Variants in EML1 observed in about 807,000 individuals in gnomAD.
EML1 encodes the protein echinoderm microtubule-associated protein-like 1.
A neutral mutation model predicts 110.4 loss-of-function variants in EML1; 27 were observed. The ratio of observed to expected loss-of-function variants is 0.24; its 90% CI spans 0.18 to 0.34. The LOEUF (loss-of-function observed/expected upper bound fraction) is 0.34, where lower values mean the gene tolerates loss of function less well. Ranked by LOEUF, EML1 falls within the 10% of genes least tolerant of loss-of-function variation. The probability of loss-of-function intolerance (pLI) is 1.00; values close to 1 mark genes in which losing one functional copy is unlikely to be tolerated. For missense variants in EML1, 741 were observed against 1,030.9 expected, an observed-to-expected ratio of 0.72 and a Z score of 3.85; for synonymous variants, 344 against 385.8, an observed-to-expected ratio of 0.89 and a Z score of 1.27.
chr14:99,915,250 T>A (rs1029301936), intron 15 of EML1: 1 of 162,430 alleles, frequency 6.2e-6, no homozygotes, highest in African/African-American at 2.4e-5. Context: ...CCGTCTCTAC[T>A]AAAAACACAA....
intron 1 of EML1, among the ~76,000 whole-genome samples, chr14:99,799,050 G>A (rs766802864): frequency 1.3e-5 from 2 of 152,066 alleles, no homozygotes; most frequent in Non-Finnish European, 2.9e-5. Context: ...AGAATTATCA[G>A]ATGCCCTCTA....
chr14:99,873,001 T>C (rs1292387583), intron 3 of EML1, among the ~76,000 whole-genome samples: 2 of 152,312 alleles, frequency 1.3e-5, no homozygotes, highest in East Asian at 3.9e-4. Context: ...AGACTTCGAT[T>C]GAGGGCTTGA....
At chr14:99,820,244 T>C (rs1237629406) in intron 1 of EML1, among the ~76,000 whole-genome samples, 4 of 152,372 alleles carry the variant, frequency 2.6e-5, no homozygotes, top group South Asian at 4.1e-4. Flanking sequence ...CACAGTATTT[T>C]GTTTTATTGA....
At chr14:99,860,236 G>A (rs1459058990) in intron 2 of EML1, among the ~76,000 whole-genome samples, 1 of 152,102 alleles carries the variant, frequency 6.6e-6, no homozygotes, top group Admixed American at 6.5e-5. Flanking sequence ...TGCTGTGTTT[G>A]TTGTCGTGTT....
chr14:99,789,799 T>C (rs971040869), upstream of EML1, among the ~76,000 whole-genome samples: 7 of 152,260 alleles, frequency 4.6e-5, no homozygotes, highest in African/African-American at 1.7e-4. Context: ...CACTGAACAC[T>C]GTGGTTATAT....
At chr14:99,934,872 T>C (rs541478401) in intron 17 of EML1, among the ~76,000 whole-genome samples, 2 of 152,372 alleles carry the variant, frequency 1.3e-5, no homozygotes, top group Admixed American at 1.3e-4. Context: ...GGGCTGCTGC[T>C]GCCTTTTGTT....
chr14:99,867,997 T>C (rs1348314907), intron 3 of EML1, among the ~76,000 whole-genome samples: 1 of 152,218 alleles, frequency 6.6e-6, no homozygotes, highest in African/African-American at 2.4e-5. Context: ...TTTCCTTCTA[T>C]TCCTAGTTTG....
chr14:99,821,338 T>C (rs1361846469), intron 1 of EML1, among the ~76,000 whole-genome samples: 1 of 152,160 alleles, frequency 6.6e-6, no homozygotes, highest in Non-Finnish European at 1.5e-5. Flanking sequence ...TTTCCTGCTT[T>C]TATATAGAGC....
intron 1 of EML1, among the ~76,000 whole-genome samples, chr14:99,823,994 C>T (rs1566883713): frequency 6.6e-6 from 1 of 152,124 alleles, no homozygotes; most frequent in Non-Finnish European, 1.5e-5. Context: ...GCTCTGTCGC[C>T]AGGCTGGAAT....
At chr14:99,927,461 C>T (rs2060255667) in intron 17 of EML1, among the ~76,000 whole-genome samples, 1 of 152,248 alleles carries the variant, frequency 6.6e-6, no homozygotes. Context: ...TGTATTTTTC[C>T]TTTAGGAGGC....
At chr14:99,756,269 G>C (rs528343872) in intron 1 of EML1, among the ~76,000 whole-genome samples, 2 of 152,224 alleles carry the variant, frequency 1.3e-5, no homozygotes, top group East Asian at 3.9e-4. Flanking sequence ...ACTTAAGGGG[G>C]TTTGGTGGTG....
intron 3 of EML1, among the ~76,000 whole-genome samples, chr14:99,876,129 A>G (rs2059286410): frequency 7.2e-6 from 1 of 138,204 alleles, no homozygotes; most frequent in Admixed American, 7.0e-5. Flanking sequence ...GGGTGTATAG[A>G]CAGAGGAGAC....
chr14:99,875,657 G>A (rs539118970), intron 3 of EML1, among the ~76,000 whole-genome samples: 3 of 152,286 alleles, frequency 2.0e-5, no homozygotes, highest in East Asian at 3.9e-4. Flanking sequence ...ATCTCCCAGG[G>A]CCCCGGCAGC....
At chr14:99,815,981 CTGT>C (rs1198287300) in intron 1 of EML1, among the ~76,000 whole-genome samples, 1 of 152,140 alleles carries the variant, frequency 6.6e-6, no homozygotes, top group Non-Finnish European at 1.5e-5. Context: ...ACGGCAGCTG[CTGT>C]TGTTCAGAGC....
intron 17 of EML1, among the ~76,000 whole-genome samples, chr14:99,930,451 A>G (rs145663652): frequency 9.1e-4 from 138 of 152,362 alleles, no homozygotes; most frequent in African/African-American, 3.3e-3. Flanking sequence ...TGGCATGCTC[A>G]GAGCCATGAG....
At chr14:99,907,885 C>G in intron 10 of EML1, 152 bp downstream of exon 10, 1 of 657,846 alleles carries the variant, frequency 1.5e-6, no homozygotes, top group Non-Finnish European at 2.6e-6. Flanking sequence ...CGATCCCTGT[C>G]CCATCATGGG....
intron 1 of EML1, among the ~76,000 whole-genome samples, chr14:99,739,623 A>G (rs1314169691): frequency 1.3e-5 from 2 of 152,092 alleles, no homozygotes; most frequent in African/African-American, 4.8e-5. Context: ...TGGTTTTCCC[A>G]TCTATAGAAT....
At chr14:99,759,335 T>G (rs531208465) in intron 1 of EML1, among the ~76,000 whole-genome samples, 4 of 152,384 alleles carry the variant, frequency 2.6e-5, no homozygotes, top group Admixed American at 2.6e-4. Flanking sequence ...GAGTTCTGCA[T>G]GGCCCGCTTG....
chr14:99,868,291 T>C (rs2059135806), intron 3 of EML1, among the ~76,000 whole-genome samples: 1 of 152,220 alleles, frequency 6.6e-6, no homozygotes, highest in South Asian at 2.1e-4. Flanking sequence ...TCTTGTGTCT[T>C]TGTCTGGTTT....
Sources: gnomAD v4.1 joint callset for allele counts (sites outside exome capture counted in the v4.1 genomes callset) on GRCh38, gnomAD v4.1.1 for gene constraint, MANE v1.5 for transcripts, NCBI Gene and HGNC (gene_info 2026-07-23, HGNC 2026-07-21) for gene names.